The following SRFBP1 variants were observed in gnomAD, a reference collection of about 807,000 sequenced individuals.
SRFBP1 encodes the protein serum response factor binding protein 1.
A neutral mutation model predicts 45.5 loss-of-function variants in SRFBP1; 47 were observed. The ratio of observed to expected loss-of-function variants is 1.03; its 90% CI spans 0.82 to 1.32. The LOEUF is 1.32. Among genes scored for constraint, SRFBP1 ranks in the 40% most tolerant of loss-of-function variants. The probability of loss-of-function intolerance (pLI) is 0.00; values close to 1 mark genes in which losing one functional copy is unlikely to be tolerated. For missense variants in SRFBP1, 621 were observed against 484.6 expected, an observed-to-expected ratio of 1.28 and a Z score of -2.64; for synonymous variants, 203 against 166.3, an observed-to-expected ratio of 1.22 and a Z score of -1.70.
chr5:122,046,589 A>G (rs1410181224), intron 2 of SRFBP1, among the ~76,000 whole-genome samples: 4 of 152,150 alleles, frequency 2.6e-5, no homozygotes, highest in African/African-American at 7.2e-5. Context: ...GTCAAATGGT[A>G]TTTCTAGTTC....
intron 1 of SRFBP1, among the ~76,000 whole-genome samples, chr5:121,972,252 A>G (rs1474505542): frequency 6.6e-6 from 1 of 151,970 alleles, no homozygotes; most frequent in Non-Finnish European, 1.5e-5. Flanking sequence ...TATTTCTTAT[A>G]TTGTAACTTT....
chr5:121,993,931 T>C (rs1341846549), intron 3 of SRFBP1, among the ~76,000 whole-genome samples: 1 of 152,028 alleles, frequency 6.6e-6, no homozygotes. Flanking sequence ...CCGGAGATTG[T>C]TGCTAATAAT....
chr5:122,030,118 C>T (rs1317230859), downstream of SRFBP1, among the ~76,000 whole-genome samples: 1 of 152,116 alleles, frequency 6.6e-6, no homozygotes, highest in Non-Finnish European at 1.5e-5. Flanking sequence ...GGGGTAATAA[C>T]AGCTAAAATG....
intron 3 of SRFBP1, among the ~76,000 whole-genome samples, chr5:121,975,644 T>C (rs1186430747): frequency 6.6e-6 from 1 of 151,996 alleles, no homozygotes; most frequent in East Asian, 1.9e-4. Context: ...TTCATCTATG[T>C]TTAATAATGC....
chr5:122,010,559 A>G (rs1753072106), intron 4 of SRFBP1, among the ~76,000 whole-genome samples: 2 of 152,158 alleles, frequency 1.3e-5, no homozygotes, highest in African/African-American at 4.8e-5. Context: ...TACCCCTACT[A>G]CAAAGCTATT....
chr5:121,983,177 A>T (rs772164052), intron 3 of SRFBP1, among the ~76,000 whole-genome samples: 1 of 151,612 alleles, frequency 6.6e-6, no homozygotes, highest in Non-Finnish European at 1.5e-5. Flanking sequence ...ATATCACCTC[A>T]ATTTGGAGTT....
intron 1 of SRFBP1, among the ~76,000 whole-genome samples, chr5:121,967,086 C>T (rs1055560724): frequency 1.3e-5 from 2 of 151,998 alleles, no homozygotes; most frequent in African/African-American, 2.4e-5. Context: ...AGCCACCACG[C>T]CTGGCCTATT....
At chr5:121,975,991 A>G (rs1752295002) in intron 3 of SRFBP1, among the ~76,000 whole-genome samples, 1 of 151,856 alleles carries the variant, frequency 6.6e-6, no homozygotes, top group African/African-American at 2.4e-5. Flanking sequence ...TGTCTGGGAG[A>G]CTGTTTTACT....
chr5:122,072,077 A>C (rs1354164879), intron 2 of SRFBP1, among the ~76,000 whole-genome samples: 1 of 152,210 alleles, frequency 6.6e-6, no homozygotes, highest in African/African-American at 2.4e-5. Context: ...TACATACTCA[A>C]TAAGTGCTAG....
intron 2 of SRFBP1, chr5:122,064,907 T>C (rs1333943139): frequency 6.6e-6 from 1 of 152,108 alleles, no homozygotes; most frequent in African/African-American, 2.4e-5. Context: ...ATCTGAAATC[T>C]GTAGATGCCA....
chr5:122,009,641 T>A (rs1027097248), intron 4 of SRFBP1, among the ~76,000 whole-genome samples: 5 of 152,168 alleles, frequency 3.3e-5, no homozygotes, highest in African/African-American at 1.2e-4. Context: ...CACAAATAGT[T>A]AAAATGACTG....
At chr5:122,070,042 A>G (rs1754405102) in intron 2 of SRFBP1, 2 of 1,580,172 alleles carry the variant, frequency 1.3e-6, no homozygotes, top group African/African-American at 2.7e-5. Flanking sequence ...AGCTAAGCAA[A>G]TAACACTTAC....
At chr5:122,070,429 A>C in intron 2 of SRFBP1, 1 of 854,338 alleles carries the variant, frequency 1.2e-6, no homozygotes, top group Non-Finnish European at 1.9e-6. Context: ...TTAACATTTG[A>C]ATCCAGAGAA....
chr5:121,993,004 A>G (rs1437024747), intron 3 of SRFBP1, among the ~76,000 whole-genome samples: 1 of 152,100 alleles, frequency 6.6e-6, no homozygotes, highest in African/African-American at 2.4e-5. Flanking sequence ...GTGATACTGT[A>G]TTTGGCTAAC....
At chr5:122,070,295 G>C in intron 2 of SRFBP1, 1 of 675,708 alleles carries the variant, frequency 1.5e-6, no homozygotes, top group African/African-American at 1.8e-5. Context: ...TTAAACTCTG[G>C]AGACGTTATG....
At chr5:122,012,508 C>T (rs533190399) in intron 4 of SRFBP1, among the ~76,000 whole-genome samples, 1 of 152,074 alleles carries the variant, frequency 6.6e-6, no homozygotes, top group South Asian at 2.1e-4. Context: ...ATAAGTTTTT[C>T]ATTTGCACAG....
chr5:122,067,122 T>C lies in SRFBP1; in HGVS notation n.312-8193T>C, dbSNP rs569148713. ...GTCAAGGCCTCTGCTCCATCTTGAA[T>C]TAGTCCTTCTCCAGCATGGCTTTGG... On this transcript the variant is annotated intron_variant and non_coding_transcript_variant, in intron 2 of 2. Coordinates refer to the SRFBP1 transcript ENST00000504881. Among the ~76,000 whole-genome samples the C allele has an allele frequency of 7.9e-5, 12 of 152,156 alleles. No homozygotes were observed. The South Asian group carries it at 1.2e-3, about 16-fold the overall frequency.
rs753412047 is a variant in SRFBP1 at position 121,962,026 on chromosome 5, A to C, written c.-7A>C. 1.2e-6 allele frequency: 2 copies of C among 1,613,862 alleles called. No homozygotes were observed. Among genetic ancestry groups the C allele is most frequent in the Non-Finnish European group, 1.7e-6 (2 of 1,180,014 alleles). On this transcript the variant is annotated 5_prime_UTR_variant, in exon 1 of 8. Coordinates refer to ENST00000339397, the MANE Select transcript of SRFBP1 (RefSeq NM_152546.3). ...AGGCAGCGGCGGATCATATTCCTTCATCTACCATGGCTCAGCCGGGAACTC... is the reference window on the plus strand; with the variant it reads ...AGGCAGCGGCGGATCATATTCCTTCCTCTACCATGGCTCAGCCGGGAACTC...
chr5:121,981,967 T>G (rs1752417412), intron 3 of SRFBP1, among the ~76,000 whole-genome samples: 1 of 149,970 alleles, frequency 6.7e-6, no homozygotes, highest in Non-Finnish European at 1.5e-5. Flanking sequence ...CTACTGCAAT[T>G]TTTTTTTTTT....
Sources: allele counts gnomAD v4.1 joint callset (sites outside exome capture counted in the v4.1 genomes callset), GRCh38; gene constraint gnomAD v4.1.1; transcripts MANE v1.5; gene names NCBI Gene and HGNC (gene_info 2026-07-23, HGNC 2026-07-21).